Variants in VAPB observed in about 807,000 individuals in gnomAD.
The protein encoded by VAPB is vesicle-associated membrane protein-associated protein B/C.
VAPB carries 7 observed loss-of-function variants against 25.6 expected under a neutral mutation model. The ratio of observed to expected loss-of-function variants is 0.27; its 90% confidence interval spans 0.16 to 0.51. The LOEUF (loss-of-function observed/expected upper bound fraction) is 0.51. Among genes scored for constraint, VAPB ranks in the 20% least tolerant of loss-of-function variants. The pLI, the probability that VAPB is intolerant of heterozygous loss-of-function variation, is 0.97. For synonymous variants in VAPB, 112 were observed against 109.2 expected, an observed-to-expected ratio of 1.03 and a Z score of -0.16; for missense variants, 266 against 301.3, an observed-to-expected ratio of 0.88 and a Z score of 0.87.
In VAPB at chr20:58,445,843, A is replaced by G. The variant is rs1239761349; in HGVS notation, c.*1608A>G. The stretch of plus-strand genomic sequence containing the variant: ...TTCAGTAAAAAGCAGCCTCCCTTCT[A>G]GGTCAGGGAACCATGCCATTGAGAC... On this transcript the variant is annotated 3_prime_UTR_variant, in exon 6 of 6. Transcript: ENST00000475243. The G allele has an allele frequency of 2.2e-6, 1 of 453,802 alleles. No homozygotes were observed. The highest frequency in any genetic ancestry group is 7.0e-5 in the East Asian group (1 of 14,378). 28.1% of individuals were successfully genotyped at this position (453,802 alleles called of 1,614,324 possible). A position where few individuals can be genotyped will look rare whatever the true frequency, so the allele number is the denominator to read the frequency against.
At chr20:58,402,358 T>G (rs73296806) in intron 1 of VAPB, among the ~76,000 whole-genome samples, 15,524 of 152,178 alleles carry the variant, frequency 0.1, 961 homozygotes, top group East Asian at 0.26. Flanking sequence ...AATTAGTTGA[T>G]TCCTTTTCCT....
intron 1 of VAPB, among the ~76,000 whole-genome samples, chr20:58,415,360 G>A (rs1988513715): frequency 6.6e-6 from 1 of 152,342 alleles, no homozygotes; most frequent in Non-Finnish European, 1.5e-5. Context: ...TCACAGATGA[G>A]TATATGCATA....
intron 2 of VAPB, among the ~76,000 whole-genome samples, chr20:58,428,519 G>A (rs1343279965): frequency 6.6e-6 from 1 of 152,106 alleles, no homozygotes; most frequent in Non-Finnish European, 1.5e-5. Flanking sequence ...GGGCACAGTG[G>A]CAGGCACCTA....
At chr20:58,436,216 T>C (rs2123091914) in intron 3 of VAPB, among the ~76,000 whole-genome samples, 1 of 152,218 alleles carries the variant, frequency 6.6e-6, no homozygotes, top group East Asian at 1.9e-4. Flanking sequence ...AAATGTACAT[T>C]GTGGGAAATT....
In VAPB at chr20:58,450,418, G is replaced by A. The variant is rs781155682; in HGVS notation, c.*6183G>A. 4.9e-5 allele frequency: 22 copies of A among 453,500 alleles called. No individual in the cohort carries two copies. The highest frequency in any genetic ancestry group is 7.9e-5 in the Non-Finnish European group (18 of 226,740). The allele number at this position is 453,500 out of a possible 1,614,324, so 28.1% of individuals were successfully genotyped here. A position where few individuals can be genotyped will look rare whatever the true frequency, so the allele number is the denominator to read the frequency against. On this transcript the variant is annotated 3_prime_UTR_variant, in exon 6 of 6. Transcript: ENST00000475243. ...GCGTGGCTTTTTATATTTTTCATTC[G>A]TGTGTAGCCTAAGTAAGGTGACTCA...
intron 1 of VAPB, among the ~76,000 whole-genome samples, chr20:58,398,722 A>T (rs1323385164): frequency 6.6e-6 from 1 of 152,194 alleles, no homozygotes; most frequent in Non-Finnish European, 1.5e-5. Flanking sequence ...CTAAGCGTTC[A>T]TTTATTTAAT....
intron 1 of VAPB, 27 bp from the exon 2 acceptor site, chr20:58,418,184 C>T: frequency 1.9e-6 from 3 of 1,613,992 alleles, no homozygotes; most frequent in Non-Finnish European, 2.5e-6. Context: ...CATGAGACCC[C>T]CAATCAGTCT....
intron 2 of VAPB, among the ~76,000 whole-genome samples, chr20:58,429,284 A>T (rs576077841): frequency 1.3e-5 from 2 of 152,184 alleles, no homozygotes; most frequent in African/African-American, 4.8e-5. Context: ...CCATTCACCA[A>T]TGCATGTAGG....
rs578201267 is a variant in VAPB at position 58,431,622 on chromosome 20, G to A, written c.212-2980G>A. 2.0e-5 allele frequency: 3 copies of A among 151,770 alleles called. No individual in the cohort carries two copies. In the East Asian group the frequency reaches 5.8e-4, roughly 29 times the overall value. The allele number at this position is 151,770 out of a possible 1,614,324, so 9.4% of individuals were successfully genotyped here. On this transcript the variant is annotated intron_variant, in intron 2 of 5. Transcript: ENST00000475243. ...GTCTTGCTCTGTCACCCAGGCTGGA[G>A]TTCAGTGGTGCTATCATAGCTCTCT...
chr20:58,413,940 C>G (rs1341317842), intron 1 of VAPB, among the ~76,000 whole-genome samples: 1 of 65,910 alleles, frequency 1.5e-5, no homozygotes. Flanking sequence ...GGCGGCTGGC[C>G]GGGTGGGGGG....
chr20:58,420,463 A>G (rs182204062), intron 2 of VAPB, among the ~76,000 whole-genome samples: 4 of 152,316 alleles, frequency 2.6e-5, no homozygotes, highest in Admixed American at 1.3e-4. Flanking sequence ...ACAGTCATCA[A>G]GGGTCACTTG....
At chr20:58,429,888 G>C (rs1988888854) in intron 2 of VAPB, among the ~76,000 whole-genome samples, 1 of 151,896 alleles carries the variant, frequency 6.6e-6, no homozygotes, top group Admixed American at 6.6e-5. Flanking sequence ...CAAACTTTTT[G>C]GTCTCAGGAC....
chr20:58,434,796 T>G (rs2012745210), intron 3 of VAPB, 91 bp downstream of exon 3: 2 of 722,500 alleles, frequency 2.8e-6, no homozygotes, highest in Admixed American at 4.0e-5. Flanking sequence ...TTTCAAAATA[T>G]GTCAAAATTA....
Position 58,447,081 on chromosome 20 carries a change from C to T in VAPB, c.*2846C>T, listed in dbSNP as rs995754891. On this transcript the variant is annotated 3_prime_UTR_variant, in exon 6 of 6. Coordinates refer to ENST00000475243, the MANE Select transcript of VAPB (RefSeq NM_004738.5). ...GGGGGAGCTGCTGCCAGGCTGCCCTCCAGTCTGCTCCTGTGGTTACTGGCT... is the reference window on the plus strand; with the variant it reads ...GGGGGAGCTGCTGCCAGGCTGCCCTTCAGTCTGCTCCTGTGGTTACTGGCT... The T allele has an allele frequency of 8.8e-6, 4 of 453,948 alleles. No individual in the cohort carries two copies. The highest frequency in any genetic ancestry group is 4.7e-5 in the Admixed American group (2 of 42,566). The allele number at this position is 453,948 out of a possible 1,614,324, so 28.1% of individuals were successfully genotyped here.
rs1988511248 is a variant in VAPB at position 58,415,255 on chromosome 20, G to C, written c.59-2956G>C. 2.0e-5 allele frequency among the ~76,000 whole-genome samples: 3 copies of C among 152,226 alleles called. No homozygotes were observed. In the South Asian group the frequency reaches 6.2e-4, roughly 31 times the overall value. On this transcript the variant is annotated intron_variant, in intron 1 of 5. Coordinates refer to ENST00000475243, the MANE Select transcript of VAPB (RefSeq NM_004738.5). ...GAGGAAATAAATTATACTGTGTTTA[G>C]CTTTATCTAAATACCTTTTACAGCA...
At chr20:58,414,829 C>T (rs902310957) in intron 1 of VAPB, among the ~76,000 whole-genome samples, 5 of 152,310 alleles carry the variant, frequency 3.3e-5, no homozygotes, top group East Asian at 1.9e-4. Context: ...GGGTGGCGGC[C>T]GGGCAGAGGC....
In VAPB at chr20:58,449,934, CT is replaced by C. The variant is rs533554836; in HGVS notation, c.*5708del. ...GTCTGACTGAAATAAAACAGGTTCC[CT>C]TTTTTTTTCCCTTTGGAAAATGCCA... is the stretch of plus-strand genomic sequence containing the variant. On this transcript the variant is annotated 3_prime_UTR_variant, in exon 6 of 6. Transcript: ENST00000475243. 1.1e-5 allele frequency: 5 copies of C among 453,100 alleles called. No individual in the cohort carries two copies. Among genetic ancestry groups the C allele is most frequent in the South Asian group, 4.7e-5 (3 of 64,418 alleles). The allele number at this position is 453,100 out of a possible 1,614,324, so 28.1% of individuals were successfully genotyped here. A position where few individuals can be genotyped will look rare whatever the true frequency, so the allele number is the denominator to read the frequency against.
chr20:58,423,999 G>T (rs1272348635), intron 2 of VAPB, among the ~76,000 whole-genome samples: 1 of 152,148 alleles, frequency 6.6e-6, no homozygotes, highest in Non-Finnish European at 1.5e-5. Context: ...TTTTAAGGAA[G>T]AATTGTTACT....
intron 1 of VAPB, among the ~76,000 whole-genome samples, chr20:58,408,037 AC>A (rs1022106137): frequency 1.2e-4 from 19 of 152,096 alleles, no homozygotes; most frequent in Admixed American, 1.2e-3. Context: ...TAGTTTTCCC[AC>A]CCATGGAGGT....
Sources: allele counts gnomAD v4.1 joint callset (sites outside exome capture counted in the v4.1 genomes callset), GRCh38; gene constraint gnomAD v4.1.1; transcripts MANE v1.5; gene names NCBI Gene and HGNC (gene_info 2026-07-23, HGNC 2026-07-21).